The following AR variants were observed in gnomAD, a reference collection of about 807,000 sequenced individuals.
The protein encoded by AR is androgen receptor.
A neutral mutation model predicts 53.9 loss-of-function variants in AR; 8 were observed. The ratio of observed to expected loss-of-function variants is 0.15; its 90% CI spans 0.09 to 0.27. AR has a LOEUF of 0.27. AR is among the 10% of genes least tolerant of loss of function. The pLI is 1.00. For synonymous variants in AR, 359 were observed against 316.4 expected (o/e 1.13, Z -1.43); for missense variants, 639 against 742.5 (o/e 0.86, Z 1.62).
intron 1 of AR, among the ~76,000 whole-genome samples, chrX:67,579,859 G>A (rs777344999): frequency 2.5e-4 from 28 of 111,501 alleles, no homozygotes; most frequent in Admixed American, 9.6e-5. Context: ...TGCAAACATT[G>A]TAATTTCTCA....
intron 2 of AR, among the ~76,000 whole-genome samples, chrX:67,654,147 A>G (rs752121603): frequency 9.0e-6 from 1 of 111,169 alleles, no homozygotes; most frequent in South Asian, 3.9e-4. Flanking sequence ...TCACTTTTGT[A>G]TGCCTCTATA....
At chrX:67,703,384 C>G (rs763211888) in intron 3 of AR, among the ~76,000 whole-genome samples, 2 of 111,752 alleles carry the variant, frequency 1.8e-5, no homozygotes, top group East Asian at 5.7e-4. Context: ...GCCTAAGGAC[C>G]TCTAAATTGT....
At chrX:67,694,260 C>G (rs1287688565) in intron 3 of AR, among the ~76,000 whole-genome samples, 1 of 110,721 alleles carries the variant, frequency 9.0e-6, no homozygotes, top group East Asian at 2.8e-4. Context: ...CAGACTCCAA[C>G]AAGTAGTCTT....
chrX:67,546,562 C>T lies in AR; in HGVS notation c.1416C>T (p.Gly472=), dbSNP rs1929767475. Residue 472 remains glycine, a synonymous_variant, in exon 1 of 8, where the codon GGC becomes GGT. Coordinates refer to ENST00000374690, the MANE Select transcript of AR (RefSeq NM_000044.6). The stretch of plus-strand genomic sequence containing the variant: ...GCGGCGGCGGCGGCGGCGGCGGCGG[C>T]GGCGAGGCGGGAGCTGTAGCCCCCT... ...GGGGGGGGGG[G]GEAGAVAPYG... 3 of 974,903 alleles carry T rather than the reference C, an allele frequency of 3.1e-6. No homozygotes were observed. The highest frequency in any genetic ancestry group is 5.2e-5 in the Admixed American group (1 of 19,084). 80.3% of individuals were successfully genotyped at this position (974,903 alleles called of 1,213,427 possible).
chrX:67,637,640 G>A (rs1370371921), intron 1 of AR, among the ~76,000 whole-genome samples: 4 of 109,402 alleles, frequency 3.7e-5, no homozygotes, highest in African/African-American at 1.3e-4. Context: ...ATAAACATAC[G>A]TGTGCATGAC....
intron 4 of AR, among the ~76,000 whole-genome samples, chrX:67,714,997 T>C (rs2076107432): frequency 9.0e-6 from 1 of 111,691 alleles, no homozygotes; most frequent in Admixed American, 9.5e-5. Context: ...TTCCCTTTTC[T>C]CTCCTCTTTG....
intron 2 of AR, among the ~76,000 whole-genome samples, chrX:67,645,839 A>T (rs751001850): frequency 1.8e-5 from 2 of 111,363 alleles, no homozygotes; most frequent in South Asian, 7.6e-4. Context: ...TACTGCCATC[A>T]TTATCCCTGT....
intron 1 of AR, among the ~76,000 whole-genome samples, chrX:67,609,670 T>C (rs1189209462): frequency 9.0e-6 from 1 of 111,471 alleles, no homozygotes; most frequent in African/African-American, 3.3e-5. Context: ...TGCCCATTTA[T>C]ACTATGATTT....
intron 2 of AR, among the ~76,000 whole-genome samples, chrX:67,655,943 TTGTC>T (rs1204843923): frequency 8.9e-6 from 1 of 112,167 alleles, no homozygotes; most frequent in African/African-American, 3.2e-5. Flanking sequence ...ATTAAATAAT[TTGTC>T]TGTTGCTATT....
chrX:67,654,058 T>C, intron 2 of AR, among the ~76,000 whole-genome samples: 1 of 112,243 alleles, frequency 8.9e-6, no homozygotes. Flanking sequence ...TCACTTTGTA[T>C]GCATAATATT....
At chrX:67,609,348 C>T (rs925397631) in intron 1 of AR, among the ~76,000 whole-genome samples, 2 of 111,251 alleles carry the variant, frequency 1.8e-5, no homozygotes. Context: ...TTTATGTCAA[C>T]TTAAAGTACT....
chrX:67,601,239 A>G (rs189816857), intron 1 of AR, among the ~76,000 whole-genome samples: 1 of 112,178 alleles, frequency 8.9e-6, no homozygotes, highest in East Asian at 2.8e-4. Context: ...GATCATTATG[A>G]AAACACATGA....
At chrX:67,690,842 C>T (rs188433086) in intron 3 of AR, among the ~76,000 whole-genome samples, 4 of 111,571 alleles carry the variant, frequency 3.6e-5, no homozygotes, top group East Asian at 5.7e-4. Flanking sequence ...TAAGGTAAAG[C>T]GTACAGTTTG....
chrX:67,671,589 G>C lies in AR; in HGVS notation c.1769-14421G>C, dbSNP rs189863028. Among the ~76,000 whole-genome samples, 158 of 111,891 alleles carry C rather than the reference G, an allele frequency of 1.4e-3. 1 individual carries two copies. The highest frequency in any genetic ancestry group is 5.0e-3 in the African/African-American group (153 of 30,887). ...TGATAGTTTCTTCTGCTGTGCAGAAGCTCTTTAGTTTAATTAGATCCCATT... is the reference window on the plus strand; with the variant it reads ...TGATAGTTTCTTCTGCTGTGCAGAACCTCTTTAGTTTAATTAGATCCCATT... On this transcript the variant is annotated intron_variant, in intron 2 of 7. Coordinates refer to ENST00000374690, the MANE Select transcript of AR (RefSeq NM_000044.6).
At chrX:67,704,335 A>C (rs1273840876) in intron 3 of AR, among the ~76,000 whole-genome samples, 2 of 112,068 alleles carry the variant, frequency 1.8e-5, no homozygotes, top group Non-Finnish European at 3.8e-5. Flanking sequence ...AATGATCGCC[A>C]TTCTAACTGG....
intron 3 of AR, among the ~76,000 whole-genome samples, chrX:67,703,083 T>C (rs1326573267): frequency 9.0e-6 from 1 of 111,104 alleles, no homozygotes; most frequent in Admixed American, 9.6e-5. Context: ...CTTCAAAAAA[T>C]AAATAAAAAC....
intron 2 of AR, among the ~76,000 whole-genome samples, chrX:67,657,325 T>A (rs962518756): frequency 1.8e-5 from 2 of 110,856 alleles, no homozygotes; most frequent in Non-Finnish European, 3.8e-5. Flanking sequence ...CCTCAGGTGC[T>A]TTTTCTCCAC....
At chrX:67,684,114 G>T (rs995237825) in intron 2 of AR, among the ~76,000 whole-genome samples, 2 of 111,587 alleles carry the variant, frequency 1.8e-5, no homozygotes, top group Non-Finnish European at 3.8e-5. Flanking sequence ...TGGTCTTGAT[G>T]ATTGCAGCAG....
intron 2 of AR, among the ~76,000 whole-genome samples, chrX:67,647,070 T>C (rs1926092679): frequency 9.0e-6 from 1 of 111,599 alleles, no homozygotes; most frequent in South Asian, 3.8e-4. Flanking sequence ...CATCTCTACC[T>C]CATTATGTTT....
Sources: gnomAD v4.1 joint callset for allele counts (sites outside exome capture counted in the v4.1 genomes callset) on GRCh38, gnomAD v4.1.1 for gene constraint, MANE v1.5 for transcripts, NCBI Gene and HGNC (gene_info 2026-07-23, HGNC 2026-07-21) for gene names.